CLCNKA: variants seen among roughly 807,000 people sequenced by gnomAD.
CLCNKA encodes chloride voltage-gated channel Ka.
Under a neutral mutation model 83.3 loss-of-function variants are expected in CLCNKA, and 66 were observed. The ratio of observed to expected loss-of-function variants is 0.79; its 90% CI spans 0.65 to 0.97. The LOEUF (loss-of-function observed/expected upper bound fraction) is 0.97. Among genes scored for constraint, CLCNKA ranks in the 50% least tolerant of loss-of-function variants. The pLI, the probability that CLCNKA is intolerant of heterozygous loss-of-function variation, is 0.00. For synonymous variants in CLCNKA, 357 were observed against 370.4 expected (o/e 0.96, Z 0.42); for missense variants, 806 against 888.7 (o/e 0.91, Z 1.18).
intron 6 of CLCNKA, 34 bp from the exon 7 acceptor site, chr1:16,026,663 G>C: frequency 1.2e-6 from 2 of 1,613,590 alleles, no homozygotes; most frequent in Middle Eastern, 1.7e-4. Flanking sequence ...GGAGGGAGGG[G>C]GCTGACTCTG....
At chr1:16,027,067 G>T (rs578196996) in intron 7 of CLCNKA, among the ~76,000 whole-genome samples, 2 of 152,182 alleles carry the variant, frequency 1.3e-5, no homozygotes, top group African/African-American at 4.8e-5. Context: ...GTAAAATGGG[G>T]ATCAAACCGT....
intron 18 of CLCNKA, 141 bp from the exon 19 acceptor site, chr1:16,033,029 G>T: frequency 1.1e-6 from 1 of 900,752 alleles, no homozygotes. Context: ...GCCCACACTG[G>T]ACATTGCAGG....
chr1:16,032,705 G>C (rs2022680639), intron 18 of CLCNKA, among the ~76,000 whole-genome samples, 179 bp downstream of exon 18: 1 of 152,194 alleles, frequency 6.6e-6, no homozygotes, highest in African/African-American at 2.4e-5. Context: ...AGGGTTGCGG[G>C]GATGATGCAG....
chr1:16,032,363 G>C, intron 17 of CLCNKA, 72 bp downstream of exon 17: 1 of 1,545,344 alleles, frequency 6.5e-7, no homozygotes, highest in Non-Finnish European at 8.9e-7. Context: ...GGGACCCGCT[G>C]ATCTCCTGAG....
chr1:16,026,510 A>C lies in CLCNKA; in HGVS notation c.499-26A>C, dbSNP rs1229819234. 2.5e-6 allele frequency: 4 copies of C among 1,613,308 alleles called. No homozygotes were observed. In the Admixed American group the frequency reaches 6.7e-5, roughly 27 times the overall value. On this transcript the variant is annotated intron_variant, in intron 5 of 19. Coordinates refer to ENST00000331433, the MANE Select transcript of CLCNKA (RefSeq NM_004070.4). ...GGGTGAGACTGTCTCTGCTGCCCTC[A>C]CCTGGGCCCACCCTTCCCTCTGCAG... is the stretch of plus-strand genomic sequence containing the variant.
At position 16,024,815 on chromosome 1, in the gene CLCNKA, T is replaced by G. The variant is rs118025694; in HGVS notation, c.282T>G (p.Leu94=). The part of the protein sequence containing the change: ...EIGDSHLLRY[L]SWTVYPVALV... ...GGGACAGCCACCTGCTCCGGTATCT[T>G]TCCTGGACTGTGTACCCTGTGGCCC... is the stretch of plus-strand genomic sequence containing the variant. Residue 94 remains leucine, a synonymous_variant, in exon 4 of 20, where the codon CTT becomes CTG. Coordinates refer to ENST00000331433, the MANE Select transcript of CLCNKA (RefSeq NM_004070.4). 3.8e-5 allele frequency: 62 copies of G among 1,614,040 alleles called. No homozygotes were observed. Among genetic ancestry groups the G allele is most frequent in the South Asian group, 1.1e-5 (1 of 91,090 alleles).
At position 16,026,781 on chromosome 1, in the gene CLCNKA, A is replaced by G; in HGVS notation, c.655+6A>G. 1 of 1,602,964 alleles carries G rather than the reference A, an allele frequency of 6.2e-7. No individual in the cohort carries two copies. The highest frequency in any genetic ancestry group is 8.5e-7 in the Non-Finnish European group (1 of 1,171,016). On this transcript the variant is annotated splice_donor_region_variant and intron_variant, in intron 7 of 19. Transcript: ENST00000331433. ...CTTTGCAGCTCCCTTCAGCGGTGAG[A>G]CCCCCCTCATGCCCCGCCCCCTGGG...
At position 16,033,332 on chromosome 1, in the gene CLCNKA, A is replaced by G. The variant is rs3738633; in HGVS notation, c.2016+76A>G. ...GCTGGGGAGATGGGGAGGTGGGGGG[A>G]CACCAGCATGCTCCCATCCAAACCT... On this transcript the variant is annotated intron_variant, in intron 19 of 19. Transcript: ENST00000331433. The G allele has an allele frequency of 0.46, 679,149 of 1,461,150 alleles. 162,604 individuals are homozygous for G. Among genetic ancestry groups the G allele is most frequent in the East Asian group, 0.73 (32,267 of 43,992 alleles). 90.5% of individuals were successfully genotyped at this position (1,461,150 alleles called of 1,614,324 possible). A position where few individuals can be genotyped will look rare whatever the true frequency, so the allele number is the denominator to read the frequency against.
At chr1:16,026,017 G>C (rs1248969936) in intron 4 of CLCNKA, 91 bp from the exon 5 acceptor site, 1 of 1,569,442 alleles carries the variant, frequency 6.4e-7, no homozygotes. Context: ...GCCTCCCAAA[G>C]TGCTGGGATT....
chr1:16,026,170 A>G lies in CLCNKA; in HGVS notation c.421A>G (p.Ile141Val), dbSNP rs1452639875. Reference protein sequence around the residue: ...AGVILEDYLDIKNFGAKVVGL... With the variant: ...AGVILEDYLDVKNFGAKVVGL... Reference sequence around the variant, plus strand: ...TGTGATCTTGGAGGACTACCTGGATATCAAGAACTTTGGGGCCAAGGTGGT... The same window carrying G: ...TGTGATCTTGGAGGACTACCTGGATGTCAAGAACTTTGGGGCCAAGGTGGT... The change falls in exon 5 of 20, where the codon ATC becomes GTC. Residue 141 changes from isoleucine (I) to valine (V), a missense_variant. By Grantham distance (29) the Ile-to-Val change is conservative. Transcript: ENST00000331433. 2 of 1,613,746 alleles carry G rather than the reference A, an allele frequency of 1.2e-6. No individual in the cohort carries two copies. Among genetic ancestry groups the G allele is most frequent in the Admixed American group, 3.3e-5 (2 of 60,010 alleles).
chr1:16,031,683 A>T (rs1446302830), intron 15 of CLCNKA, 27 bp from the exon 16 acceptor site: 22 of 1,613,038 alleles, frequency 1.4e-5, no homozygotes, highest in Non-Finnish European at 1.6e-5. Flanking sequence ...CGACTCCGGG[A>T]CCTGATGGGA....
chr1:16,024,026 A>G, intron 3 of CLCNKA, 98 bp downstream of exon 3: 1 of 1,479,282 alleles, frequency 6.8e-7, no homozygotes, highest in Non-Finnish European at 9.4e-7. Flanking sequence ...GCAGGGACGG[A>G]CCTGGGTGCG....
At chr1:16,022,501 C>T (rs1443056564) in intron 1 of CLCNKA, 112 bp from the exon 2 acceptor site, 3 of 729,762 alleles carry the variant, frequency 4.1e-6, no homozygotes, top group Non-Finnish European at 6.8e-6. Context: ...CACACACACA[C>T]ACGCACAATC....
At position 16,030,751 on chromosome 1, in the gene CLCNKA, A is replaced by T. The variant is rs2022590984; in HGVS notation, c.1622+77A>T. On this transcript the variant is annotated intron_variant, in intron 15 of 19. Transcript: ENST00000331433. ...TGGCTGGGGGTGGAGGGCACCTCCA[A>T]AAAGAAACACCACCGCAGCTGACCT... is the stretch of plus-strand genomic sequence containing the variant. 5.1e-6 allele frequency: 8 copies of T among 1,581,082 alleles called. No homozygotes were observed. In the South Asian group the frequency reaches 6.7e-5, roughly 13 times the overall value.
intron 14 of CLCNKA, 142 bp from the exon 15 acceptor site, chr1:16,030,319 G>T: frequency 9.2e-7 from 1 of 1,092,500 alleles, no homozygotes. Flanking sequence ...CCAGGCCTTG[G>T]GGCACTTCCC....
At position 16,026,726 on chromosome 1, in the gene CLCNKA, G is replaced by A. The variant is rs1570300704; in HGVS notation, c.606G>A (p.Val202=). The A allele has an allele frequency of 1.9e-6, 3 of 1,613,418 alleles. No individual in the cohort carries two copies. The highest frequency in any genetic ancestry group is 2.7e-5 in the African/African-American group (2 of 74,914). ...ENKSKQNEML[V]AAAAVGVATV... ...AGAGCAAGCAAAACGAAATGCTGGT[G>A]GCAGCGGCGGCAGTGGGCGTGGCCA... Residue 202 remains valine (V), a synonymous_variant, in exon 7 of 20, where the codon GTG becomes GTA. Transcript: ENST00000331433.
rs757979867 is a variant in CLCNKA, at chr1:16,033,221, C to T, written c.1981C>T (p.Arg661Trp). 7 of 1,614,026 alleles carry T rather than the reference C, an allele frequency of 4.3e-6. No individual in the cohort carries two copies. Among genetic ancestry groups the T allele is most frequent in the Middle Eastern group, 1.6e-4 (1 of 6,082 alleles). Residue 661 changes from arginine (R) to tryptophan (W), a missense_variant, in exon 19 of 20, where the codon CGG becomes TGG. Coordinates refer to ENST00000331433, the MANE Select transcript of CLCNKA (RefSeq NM_004070.4). Reference protein sequence around the residue: ...LNLQSLFVTSRGRAVGCVSWV... With the variant: ...LNLQSLFVTSWGRAVGCVSWV... ...CCTTCAGTCCCTCTTCGTGACATCG[C>T]GGGGCAGAGCTGTGGGCTGCGTGTC... is the stretch of plus-strand genomic sequence containing the variant.
In CLCNKA at chr1:16,029,817, G is replaced by C. The variant is rs1010079764; in HGVS notation, c.1297+17G>C. 1.2e-5 allele frequency: 19 copies of C among 1,613,974 alleles called. No individual in the cohort carries two copies. The highest frequency in any genetic ancestry group is 3.3e-4 in the Middle Eastern group (2 of 6,084). On this transcript the variant is annotated intron_variant, in intron 13 of 19. Transcript: ENST00000331433. ...TTATCCTTGGTGAGTCTGGGGTCCT[G>C]AGGTTCTGAGAGTTTTGGGGTTCTT...
At chr1:16,032,389 G>T in intron 17 of CLCNKA, 54 bp from the exon 18 acceptor site, 1 of 1,564,718 alleles carries the variant, frequency 6.4e-7, no homozygotes, top group Non-Finnish European at 8.8e-7. Flanking sequence ...GGTGGTCTGA[G>T]AGAGGCATCC....
Sources: allele counts gnomAD v4.1 joint callset (sites outside exome capture counted in the v4.1 genomes callset), GRCh38; gene constraint gnomAD v4.1.1; transcripts MANE v1.5; gene names NCBI Gene and HGNC (gene_info 2026-07-23, HGNC 2026-07-21).